LPP: variants seen among roughly 807,000 people sequenced by gnomAD.
The protein encoded by LPP is lipoma-preferred partner.
LPP carries 38 observed loss-of-function variants against 60.4 expected under a neutral mutation model. That is an observed-to-expected ratio of 0.63 (90% CI 0.49 to 0.83). The LOEUF is 0.83. Ranked by LOEUF, LPP falls within the 40% of genes least tolerant of loss-of-function variation. The pLI, the probability that LPP is intolerant of heterozygous loss-of-function variation, is 0.00. For synonymous variants in LPP, 328 were observed against 290.8 expected (o/e 1.13, Z -1.30); for missense variants, 902 against 783.6 (o/e 1.15, Z -1.80).
At chr3:188,223,917 A>G (rs1324897987) in intron 1 of LPP, among the ~76,000 whole-genome samples, 5 of 152,182 alleles carry the variant, frequency 3.3e-5, no homozygotes, top group African/African-American at 1.2e-4. Context: ...CAGAATTCCA[A>G]TGTCCTTGAA....
At chr3:188,754,040 C>T (rs1729275941) in intron 8 of LPP, among the ~76,000 whole-genome samples, 1 of 152,092 alleles carries the variant, frequency 6.6e-6, no homozygotes, top group African/African-American at 2.4e-5. Context: ...AGACAGAGTC[C>T]CAAGAAAATA....
chr3:188,882,979 C>G lies in LPP; in HGVS notation c.*8500C>G. 5.3e-6 allele frequency: 1 copy of G among 189,250 alleles called. No individual in the cohort carries two copies. 11.7% of individuals were successfully genotyped at this position (189,250 alleles called of 1,614,324 possible). ...TCCTGACCTCGTGATCCGCCCGCCT[C>G]GGCCTCCCAAAGTGCCAATTCTGAC... On this transcript the variant is annotated 3_prime_UTR_variant, in exon 12 of 12. Transcript: ENST00000617246.
At chr3:188,840,449 G>A (rs1462858202) in intron 9 of LPP, among the ~76,000 whole-genome samples, 1 of 152,144 alleles carries the variant, frequency 6.6e-6, no homozygotes, top group Non-Finnish European at 1.5e-5. Flanking sequence ...TTTGTAGAGG[G>A]CTGGACTTTG....
chr3:188,258,711 T>G (rs1354223666), intron 2 of LPP, among the ~76,000 whole-genome samples: 1 of 152,206 alleles, frequency 6.6e-6, no homozygotes, highest in South Asian at 2.1e-4. Context: ...GAAGGGATTC[T>G]AAGATTCGTC....
intron 9 of LPP, among the ~76,000 whole-genome samples, chr3:188,837,435 G>C (rs1002093125): frequency 4.0e-5 from 6 of 148,204 alleles, no homozygotes; most frequent in Non-Finnish European, 3.0e-5. Context: ...TGTGCTTCCT[G>C]CTTAATTTCT....
chr3:188,393,017 A>T (rs1315551424), intron 3 of LPP, among the ~76,000 whole-genome samples: 1 of 120,376 alleles, frequency 8.3e-6, no homozygotes, highest in Non-Finnish European at 1.7e-5. Flanking sequence ...ATTTGGATGT[A>T]TTTTAGACAC....
intron 9 of LPP, among the ~76,000 whole-genome samples, chr3:188,861,592 G>A (rs1765211520): frequency 6.6e-6 from 1 of 151,896 alleles, no homozygotes; most frequent in South Asian, 2.1e-4. Context: ...CATCTCATTA[G>A]TAGTTCACGT....
At chr3:188,786,905 T>C (rs1022663835) in intron 9 of LPP, among the ~76,000 whole-genome samples, 2 of 152,142 alleles carry the variant, frequency 1.3e-5, no homozygotes, top group Middle Eastern at 3.2e-3. Context: ...AGATTAGTGT[T>C]TGTCAGGAGT....
intron 9 of LPP, among the ~76,000 whole-genome samples, chr3:188,809,691 C>T (rs1459882653): frequency 5.3e-5 from 8 of 152,292 alleles, no homozygotes; most frequent in Middle Eastern, 6.8e-3. Context: ...TTAATTAGAT[C>T]TCATTTGTCA....
At chr3:188,518,561 A>G (rs1818030691) in intron 5 of LPP, among the ~76,000 whole-genome samples, 1 of 152,168 alleles carries the variant, frequency 6.6e-6, no homozygotes, top group South Asian at 2.1e-4. Flanking sequence ...GAGCTCTGTG[A>G]AGCACAGTTG....
chr3:188,798,337 C>T (rs1380699531), intron 9 of LPP, among the ~76,000 whole-genome samples: 1 of 152,202 alleles, frequency 6.6e-6, no homozygotes, highest in Non-Finnish European at 1.5e-5. Context: ...CTTGATATTC[C>T]TTTCTTGATA....
At chr3:188,828,521 A>G (rs1189831089) in intron 9 of LPP, among the ~76,000 whole-genome samples, 1 of 146,702 alleles carries the variant, frequency 6.8e-6, no homozygotes, top group Non-Finnish European at 1.5e-5. Context: ...AGGCTGAGGC[A>G]GGAGAATTGC....
chr3:188,680,066 A>T (rs968391936), intron 7 of LPP, among the ~76,000 whole-genome samples: 16 of 152,140 alleles, frequency 1.1e-4, no homozygotes, highest in African/African-American at 3.6e-4. Context: ...CCAAAGGAGC[A>T]CTCATCAGAG....
chr3:188,421,993 C>T (rs932599368), intron 4 of LPP, among the ~76,000 whole-genome samples: 1 of 152,216 alleles, frequency 6.6e-6, no homozygotes, highest in African/African-American at 2.4e-5. Context: ...AAAGTCAACA[C>T]TGTTGGCAGG....
chr3:188,487,589 G>A (rs1390256139), intron 5 of LPP, among the ~76,000 whole-genome samples: 1 of 152,148 alleles, frequency 6.6e-6, no homozygotes, highest in African/African-American at 2.4e-5. Flanking sequence ...TTTTTGAGAC[G>A]CTTCATATGG....
intron 2 of LPP, among the ~76,000 whole-genome samples, chr3:188,245,521 C>T (rs368999856): frequency 4.6e-5 from 7 of 152,184 alleles, no homozygotes; most frequent in East Asian, 1.9e-4. Context: ...CTTCATTCCA[C>T]CACCTTTGCC....
chr3:188,856,867 A>G (rs958125096), intron 9 of LPP, among the ~76,000 whole-genome samples: 6 of 152,172 alleles, frequency 3.9e-5, no homozygotes, highest in African/African-American at 1.4e-4. Flanking sequence ...AGGCCCCCAT[A>G]TTTATCAGTG....
chr3:188,804,241 CTT>C (rs1237327181), intron 9 of LPP, among the ~76,000 whole-genome samples: 3 of 16,798 alleles, frequency 1.8e-4, no homozygotes, highest in African/African-American at 7.4e-4. Flanking sequence ...TGTAGTGCAT[CTT>C]TATATATATA....
chr3:188,609,078 A>T lies in LPP; in HGVS notation c.430-83A>T. ...TAAATAATAATTAGCAGTTATTAAT[A>T]TTTTTCATTTATTCATTTTTATTGA... On this transcript the variant is annotated intron_variant, in intron 6 of 11. Coordinates refer to ENST00000617246, the MANE Select transcript of LPP (RefSeq NM_001375462.1). The surrounding 1 kb of genome is among the most constrained non-coding windows in gnomAD (Gnocchi z 6.9). 1 of 996,946 alleles carries T rather than the reference A, an allele frequency of 1.0e-6. No individual in the cohort carries two copies. Among genetic ancestry groups the T allele is most frequent in the Non-Finnish European group, 1.5e-6 (1 of 670,602 alleles). 61.8% of individuals were successfully genotyped at this position (996,946 alleles called of 1,614,324 possible).
Sources: gnomAD v4.1 joint callset for allele counts (sites outside exome capture counted in the v4.1 genomes callset) on GRCh38, gnomAD v4.1.1 for gene constraint, Gnocchi (gnomAD v3.1) non-coding constraint, MANE v1.5 for transcripts, NCBI Gene and HGNC (gene_info 2026-07-23, HGNC 2026-07-21) for gene names.